TBC1D25: variants seen among roughly 807,000 people sequenced by gnomAD.
The protein encoded by TBC1D25 is 5SN3 snoRNA.
Under a neutral mutation model 38.8 loss-of-function variants are expected in TBC1D25, and 13 were observed. The observed-to-expected ratio is 0.34, with a 90% CI of 0.22 to 0.53. The LOEUF (loss-of-function observed/expected upper bound fraction) is 0.53, where lower values mean the gene tolerates loss of function less well. Ranked by LOEUF, TBC1D25 falls within the 20% of genes least tolerant of loss-of-function variation. The pLI, the probability that TBC1D25 is intolerant of heterozygous loss-of-function variation, is 0.94. For missense variants in TBC1D25, 372 were observed against 600.0 expected, an observed-to-expected ratio of 0.62 and a Z score of 3.97; for synonymous variants, 225 against 255.6, an observed-to-expected ratio of 0.88 and a Z score of 1.14.
intron 3 of TBC1D25, among the ~76,000 whole-genome samples, chrX:48,556,140 C>T (rs782602140): frequency 1.8e-5 from 2 of 109,792 alleles, no homozygotes; most frequent in African/African-American, 6.6e-5. Context: ...TCCTTTCCCA[C>T]GAGGCCATAT....
chrX:48,560,324 G>A lies in TBC1D25; in HGVS notation c.1416G>A (p.Arg472=). 1.7e-6 allele frequency: 2 copies of A among 1,211,703 alleles called. No individual in the cohort carries two copies. Among genetic ancestry groups the A allele is most frequent in the Non-Finnish European group, 1.1e-6 (1 of 895,531 alleles). The change falls in exon 6 of 6, where the codon AGG becomes AGA. Residue 472 remains arginine, a synonymous_variant. Transcript: ENST00000376771. ...GWPVRQRHML[R]PAGGGGSTFE... Reference sequence around the variant, plus strand: ...CCGTGCGACAGAGGCACATGCTGAGGCCTGCTGGTGGAGGAGGTAGTACCT... The same window carrying A: ...CCGTGCGACAGAGGCACATGCTGAGACCTGCTGGTGGAGGAGGTAGTACCT...
chrX:48,551,548 G>A (rs1487093789), intron 3 of TBC1D25, among the ~76,000 whole-genome samples: 4 of 109,838 alleles, frequency 3.6e-5, no homozygotes, highest in East Asian at 2.8e-4. Flanking sequence ...GGACGGTCTC[G>A]ATCTCTTGAC....
At chrX:48,546,541 AAG>A (rs1201635642) in intron 3 of TBC1D25, among the ~76,000 whole-genome samples, 2 of 111,328 alleles carry the variant, frequency 1.8e-5, no homozygotes, top group Non-Finnish European at 3.8e-5. Flanking sequence ...AAAATAAAAA[AAG>A]AGCCCTAATC....
intron 3 of TBC1D25, among the ~76,000 whole-genome samples, chrX:48,548,422 A>G (rs946356219): frequency 4.5e-5 from 5 of 111,476 alleles, no homozygotes; most frequent in African/African-American, 9.8e-5. Flanking sequence ...AGCCTTAATC[A>G]TTATAGTTTT....
Position 48,560,305 on chromosome X carries a change from G to A in TBC1D25, c.1397G>A (p.Arg466Gln), listed in dbSNP as rs1007608725. The change falls in exon 6 of 6, where the codon CGA becomes CAA. Residue 466 changes from arginine to glutamine, a missense_variant. Arg to Gln is a conservative substitution (Grantham distance 43, BLOSUM62 1). This residue lies in a region of TBC1D25 where 312 missense variants were observed against 549.3 expected (regional missense o/e 0.57). Coordinates refer to ENST00000376771, the MANE Select transcript of TBC1D25 (RefSeq NM_002536.4). ...GGTGGCCACAGGGGGTGGCCCGTGC[G>A]ACAGAGGCACATGCTGAGGCCTGCT... is the stretch of plus-strand genomic sequence containing the variant. ...GFGGHRGWPV[R>Q]QRHMLRPAGG... The A allele has an allele frequency of 2.5e-6, 3 of 1,211,807 alleles. No individual in the cohort carries two copies. Among genetic ancestry groups the A allele is most frequent in the African/African-American group, 1.7e-5 (1 of 57,831 alleles).
intron 2 of TBC1D25, 134 bp from the exon 3 acceptor site, chrX:48,544,735 C>A: frequency 1.2e-6 from 1 of 826,377 alleles, no homozygotes; most frequent in Non-Finnish European, 1.7e-6. Flanking sequence ...GCCCATAATC[C>A]TTGGCACAGT....
intron 3 of TBC1D25, among the ~76,000 whole-genome samples, chrX:48,549,842 GCT>G (rs2061915018): frequency 9.0e-6 from 1 of 111,706 alleles, no homozygotes; most frequent in African/African-American, 3.3e-5. Context: ...CCATCCATAA[GCT>G]TATACAAATA....
chrX:48,540,996 C>T (rs1004182868), intron 1 of TBC1D25, among the ~76,000 whole-genome samples: 2 of 111,933 alleles, frequency 1.8e-5, no homozygotes, highest in Admixed American at 9.4e-5. Flanking sequence ...CCCATAGGCC[C>T]GCTTGCTGGG....
intron 3 of TBC1D25, among the ~76,000 whole-genome samples, chrX:48,551,467 A>G (rs1335619509): frequency 1.8e-4 from 19 of 108,468 alleles, no homozygotes; most frequent in African/African-American, 5.8e-4. Context: ...AGCTGAGATT[A>G]CAGGCACGCG....
intron 3 of TBC1D25, among the ~76,000 whole-genome samples, chrX:48,550,914 C>T (rs1446276727): frequency 1.8e-5 from 2 of 111,383 alleles, no homozygotes; most frequent in African/African-American, 3.3e-5. Flanking sequence ...CCACCTCGGC[C>T]TCCCAAAGTG....
rs1341101641 is a variant in TBC1D25 at position 48,561,179 on chromosome X, GTTTTGT to G, written c.*209_*214del. 1 of 431,906 alleles carries G rather than the reference GTTTTGT, an allele frequency of 2.3e-6. No homozygotes were observed. The highest frequency in any genetic ancestry group is 3.8e-6 in the Non-Finnish European group (1 of 261,607). The allele number at this position is 431,906 out of a possible 1,213,427, so 35.6% of individuals were successfully genotyped here. A position where few individuals can be genotyped will look rare whatever the true frequency, so the allele number is the denominator to read the frequency against. On this transcript the variant is annotated 3_prime_UTR_variant, in exon 6 of 6. Transcript: ENST00000376771. ...CACGCCTATTTATTCTGTTTCTGTTGTTTTGTTTTTAACAACTATACTTTGCACACA... is the reference window on the plus strand; with the variant it reads ...CACGCCTATTTATTCTGTTTCTGTTGTTTTAACAACTATACTTTGCACACA...
At position 48,561,301 on chromosome X, in the gene TBC1D25, G is replaced by A. The variant is rs1325296331; in HGVS notation, c.*326G>A. 1 of 213,138 alleles carries A rather than the reference G, an allele frequency of 4.7e-6. No homozygotes were observed. The highest frequency in any genetic ancestry group is 8.4e-6 in the Non-Finnish European group (1 of 118,602). 17.6% of individuals were successfully genotyped at this position (213,138 alleles called of 1,213,427 possible). On this transcript the variant is annotated 3_prime_UTR_variant, in exon 6 of 6. Coordinates refer to ENST00000376771, the MANE Select transcript of TBC1D25 (RefSeq NM_002536.4). ...CAGGGGCCCTTTACCTGATGGAGGGGAAATACTTCACTTGGTGGAGAGAGG... is the reference window on the plus strand; with the variant it reads ...CAGGGGCCCTTTACCTGATGGAGGGAAAATACTTCACTTGGTGGAGAGAGG...
rs1399430373 is a variant in TBC1D25, at chrX:48,560,515, C to A, written c.1607C>A (p.Ser536Tyr). The A allele has an allele frequency of 8.3e-7, 1 of 1,208,978 alleles. No homozygotes were observed. The highest frequency in any genetic ancestry group is 1.1e-6 in the Non-Finnish European group (1 of 894,640). Residue 536 changes from serine (S) to tyrosine (Y), a missense_variant, in exon 6 of 6, where the codon TCC becomes TAC. Physicochemically the swap from Ser to Tyr is moderately radical, Grantham distance 144. Transcript: ENST00000376771. ...QLPHPAALISSKSLSEPLLNS... is the reference protein window; with the variant it reads ...QLPHPAALISYKSLSEPLLNS... ...CCCCACCCAGCTGCCCTTATCAGCT[C>A]CAAGTCCCTCTCTGAGCCTTTATTG...
intron 3 of TBC1D25, among the ~76,000 whole-genome samples, chrX:48,546,102 A>G (rs2061881273): frequency 9.2e-6 from 1 of 108,773 alleles, no homozygotes; most frequent in Non-Finnish European, 1.9e-5. Flanking sequence ...AATCCCAGCT[A>G]CTCGGGAGGC....
In TBC1D25 at chrX:48,561,271, G is replaced by A. The variant is rs2062024387; in HGVS notation, c.*296G>A. The A allele has an allele frequency of 3.7e-6, 1 of 267,543 alleles. No individual in the cohort carries two copies. Among genetic ancestry groups the A allele is most frequent in the South Asian group, 1.7e-4 (1 of 5,901 alleles). 22.0% of individuals were successfully genotyped at this position (267,543 alleles called of 1,213,427 possible). The stretch of plus-strand genomic sequence containing the variant: ...CTCCCTGGGTTTTGCTGTAGATGGA[G>A]TCCTCAGGGGCCCTTTACCTGATGG... On this transcript the variant is annotated 3_prime_UTR_variant, in exon 6 of 6. Coordinates refer to ENST00000376771, the MANE Select transcript of TBC1D25 (RefSeq NM_002536.4).
Position 48,561,341 on chromosome X carries a change from T to C in TBC1D25, c.*366T>C. On this transcript the variant is annotated 3_prime_UTR_variant, in exon 6 of 6. Coordinates refer to ENST00000376771, the MANE Select transcript of TBC1D25 (RefSeq NM_002536.4). ...GTGGAGAGAGGCTCCAGCTTCCCCC[T>C]TGTGATGGGGAGAGTGGATGCTGAC... 1 of 173,953 alleles carries C rather than the reference T, an allele frequency of 5.7e-6. No homozygotes were observed. Among genetic ancestry groups the C allele is most frequent in the Non-Finnish European group, 1.1e-5 (1 of 93,448 alleles). The allele number at this position is 173,953 out of a possible 1,213,427, so 14.3% of individuals were successfully genotyped here.
rs782558791 is a variant in TBC1D25 at position 48,558,950 on chromosome X, G to A, written c.442G>A (p.Asp148Asn). ...IISPKDVIGS[D>N]VLLAEKRSSL... is the part of the protein sequence containing the mutation. ...CAGCCCCAAAGATGTCATTGGCTCC[G>A]ACGTGTTGCTGGCTGAGAAACGGTC... The change falls in exon 4 of 6, where the codon GAC becomes AAC. Residue 148 changes from aspartate to asparagine, a missense_variant. Physicochemically the swap from Asp to Asn is conservative, Grantham distance 23. This residue lies in a region of TBC1D25 where 312 missense variants were observed against 549.3 expected (regional missense o/e 0.57). Transcript: ENST00000376771. The A allele has an allele frequency of 8.3e-6, 10 of 1,209,796 alleles. No homozygotes were observed. Among genetic ancestry groups the A allele is most frequent in the South Asian group, 1.8e-5 (1 of 56,833 alleles).
chrX:48,557,641 C>G (rs1334417598), intron 3 of TBC1D25, among the ~76,000 whole-genome samples: 1 of 104,193 alleles, frequency 9.6e-6, no homozygotes, highest in Non-Finnish European at 2.0e-5. Flanking sequence ...GAAACTCCGC[C>G]TCAAAAAAAA....
chrX:48,551,213 T>C (rs1175220060), intron 3 of TBC1D25, among the ~76,000 whole-genome samples: 1 of 112,153 alleles, frequency 8.9e-6, no homozygotes, highest in Non-Finnish European at 1.9e-5. Context: ...TTCAGGGAAA[T>C]GTGTGCATAT....
Sources: allele counts gnomAD v4.1 joint callset (sites outside exome capture counted in the v4.1 genomes callset), GRCh38; gene constraint gnomAD v4.1.1; regional missense constraint gnomAD v4.1.1; transcripts MANE v1.5; gene names NCBI Gene and HGNC (gene_info 2026-07-23, HGNC 2026-07-21).